Variants in FRMD3 observed in about 807,000 individuals in gnomAD.
FRMD3 encodes FERM domain-containing protein 3.
Under a neutral mutation model 70.2 loss-of-function variants are expected in FRMD3, and 33 were observed. The ratio of observed to expected loss-of-function variants is 0.47; its 90% confidence interval spans 0.36 to 0.63. The LOEUF is 0.63. Ranked by LOEUF, FRMD3 falls within the 20% of genes least tolerant of loss-of-function variation. The probability of loss-of-function intolerance (pLI) is 0.00; values close to 1 mark genes in which losing one functional copy is unlikely to be tolerated. For synonymous variants in FRMD3, 279 were observed against 255.9 expected (o/e 1.09, Z -0.86); for missense variants, 632 against 711.4 (o/e 0.89, Z 1.27).
At chr9:83,462,173 GC>G (rs1827995229) in intron 1 of FRMD3, among the ~76,000 whole-genome samples, 1 of 152,166 alleles carries the variant, frequency 6.6e-6, no homozygotes, top group Non-Finnish European at 1.5e-5. Context: ...TGACTACTTA[GC>G]AGATAAACTC....
At chr9:83,400,356 A>G (rs958027753) in intron 1 of FRMD3, among the ~76,000 whole-genome samples, 1 of 152,220 alleles carries the variant, frequency 6.6e-6, no homozygotes, top group Non-Finnish European at 1.5e-5. Context: ...TACAAAATCT[A>G]TATCAGGAAA....
intron 1 of FRMD3, among the ~76,000 whole-genome samples, chr9:83,466,432 G>A (rs1405200823): frequency 2.0e-5 from 3 of 152,176 alleles, no homozygotes; most frequent in African/African-American, 4.8e-5. Flanking sequence ...CGAGTTCCAC[G>A]ATCTCGCTAA....
At chr9:83,325,422 A>G (rs547031531) in intron 6 of FRMD3, among the ~76,000 whole-genome samples, 2 of 152,066 alleles carry the variant, frequency 1.3e-5, no homozygotes, top group Non-Finnish European at 2.9e-5. Context: ...GACCTCCCAG[A>G]ATCAAGTGAT....
At position 83,454,004 on chromosome 9, in the gene FRMD3, C is replaced by T. The variant is rs758184994; in HGVS notation, c.148-64296G>A. ...TGCTGGGATTACAGGTGTGAGCCAC[C>T]GCGCCCAGCTCTTTTAATGTCTTAA... is the stretch of plus-strand genomic sequence containing the variant. On this transcript the variant is annotated intron_variant, in intron 1 of 13. Transcript: ENST00000304195. 5.3e-5 allele frequency among the ~76,000 whole-genome samples: 8 copies of T among 152,028 alleles called. No homozygotes were observed. In the East Asian group the frequency reaches 5.8e-4, roughly 11 times the overall value.
intron 1 of FRMD3, among the ~76,000 whole-genome samples, chr9:83,439,692 C>T (rs1827242024): frequency 6.6e-6 from 1 of 151,968 alleles, no homozygotes; most frequent in Non-Finnish European, 1.5e-5. Flanking sequence ...TCATTAGATA[C>T]ATATTATGAT....
At chr9:83,396,026 T>C (rs1337437279) in intron 1 of FRMD3, among the ~76,000 whole-genome samples, 1 of 152,212 alleles carries the variant, frequency 6.6e-6, no homozygotes, top group East Asian at 1.9e-4. Context: ...ATTTGATCTC[T>C]TGACAACCCA....
At chr9:83,307,619 A>G (rs1384100914) in intron 10 of FRMD3, among the ~76,000 whole-genome samples, 2 of 152,244 alleles carry the variant, frequency 1.3e-5, no homozygotes, top group African/African-American at 2.4e-5. Flanking sequence ...AAAAACAGAA[A>G]GTAGATTAGT....
intron 1 of FRMD3, among the ~76,000 whole-genome samples, chr9:83,509,779 ACG>A (rs796710952): frequency 3.5e-4 from 52 of 148,958 alleles, no homozygotes; most frequent in African/African-American, 1.2e-3. Context: ...AAATACGCAC[ACG>A]CGCGCGCACA....
intron 1 of FRMD3, among the ~76,000 whole-genome samples, chr9:83,404,036 T>C (rs1412284858): frequency 1.3e-5 from 2 of 151,032 alleles, no homozygotes; most frequent in East Asian, 3.9e-4. Context: ...AAACAACTGC[T>C]CTGTGTGCAG....
intron 13 of FRMD3, among the ~76,000 whole-genome samples, chr9:83,256,906 CT>C (rs1184593619): frequency 1.3e-5 from 2 of 152,154 alleles, no homozygotes; most frequent in Non-Finnish European, 2.9e-5. Flanking sequence ...AAAAGGAGCA[CT>C]TTTACACTGT....
At chr9:83,339,146 C>T (rs1823675375) in intron 5 of FRMD3, among the ~76,000 whole-genome samples, 1 of 152,154 alleles carries the variant, frequency 6.6e-6, no homozygotes, top group South Asian at 2.1e-4. Context: ...ACTTGCAATG[C>T]TACACACTGC....
intron 2 of FRMD3, among the ~76,000 whole-genome samples, chr9:83,382,603 T>C (rs1326568142): frequency 6.6e-6 from 1 of 152,136 alleles, no homozygotes; most frequent in East Asian, 1.9e-4. Flanking sequence ...TTTCCTAAAA[T>C]AGCAAAAGAT....
intron 1 of FRMD3, among the ~76,000 whole-genome samples, chr9:83,486,642 G>T (rs1300634798): frequency 1.3e-5 from 2 of 152,066 alleles, no homozygotes; most frequent in African/African-American, 4.8e-5. Flanking sequence ...ACAAGCAATT[G>T]CAACAAAAAC....
the FRMD3 span, among the ~76,000 whole-genome samples, chr9:83,579,615 C>T: frequency 1.3e-5 from 2 of 151,984 alleles, no homozygotes; most frequent in Non-Finnish European, 2.9e-5. Context: ...TATCTGACAC[C>T]ATGAACCAAA....
At chr9:83,252,063 C>A (rs1432882232) in intron 13 of FRMD3, among the ~76,000 whole-genome samples, 3 of 152,092 alleles carry the variant, frequency 2.0e-5, no homozygotes, top group Non-Finnish European at 4.4e-5. Flanking sequence ...ATCCCCAAGA[C>A]ATATAATCAT....
chr9:83,445,661 G>A (rs1827440055), intron 1 of FRMD3, among the ~76,000 whole-genome samples: 1 of 152,234 alleles, frequency 6.6e-6, no homozygotes, highest in African/African-American at 2.4e-5. Context: ...AAGCACAGGT[G>A]TGGATTTAGG....
intron 4 of FRMD3, among the ~76,000 whole-genome samples, chr9:83,346,075 G>T (rs749836934): frequency 2.0e-5 from 3 of 152,010 alleles, no homozygotes; most frequent in Non-Finnish European, 4.4e-5. Context: ...GGCCAACATG[G>T]CAAAACCCAG....
chr9:83,416,165 A>G (rs1344918638), intron 1 of FRMD3, among the ~76,000 whole-genome samples: 1 of 151,974 alleles, frequency 6.6e-6, no homozygotes, highest in Admixed American at 6.6e-5. Flanking sequence ...CCATGAGCCA[A>G]CTCTCTCCAC....
At chr9:83,534,497 G>A (rs1019291576) in intron 1 of FRMD3, among the ~76,000 whole-genome samples, 2 of 152,190 alleles carry the variant, frequency 1.3e-5, no homozygotes, top group South Asian at 2.1e-4. Flanking sequence ...CTAGGGGGTG[G>A]GGAGGTAACA....
Sources: allele counts gnomAD v4.1 joint callset (sites outside exome capture counted in the v4.1 genomes callset), GRCh38; gene constraint gnomAD v4.1.1; transcripts MANE v1.5; gene names NCBI Gene and HGNC (gene_info 2026-07-23, HGNC 2026-07-21).